The following ABCC5 variants were observed in gnomAD, a reference collection of about 807,000 sequenced individuals.
ABCC5 encodes ATP binding cassette subfamily C member 5, also known as ATP-binding cassette sub-family C member 5.
Under a neutral mutation model 160.9 loss-of-function variants are expected in ABCC5, and 61 were observed. That is an observed-to-expected ratio of 0.38 (90% CI 0.31 to 0.47). ABCC5 has a LOEUF of 0.47. Among genes scored for constraint, ABCC5 ranks in the 20% least tolerant of loss-of-function variants. The pLI is 0.99. For synonymous variants in ABCC5, 666 were observed against 700.6 expected, an observed-to-expected ratio of 0.95 and a Z score of 0.78; for missense variants, 1,308 against 1,813.3, an observed-to-expected ratio of 0.72 and a Z score of 5.06.
intron 25 of ABCC5, among the ~76,000 whole-genome samples, chr3:183,939,005 T>G (rs1714020693): frequency 6.6e-6 from 1 of 152,260 alleles, no homozygotes; most frequent in African/African-American, 2.4e-5. Context: ...TTGAAAAGTT[T>G]ACATAAGTAA....
At chr3:183,967,849 T>A in intron 11 of ABCC5, 83 bp from the exon 12 acceptor site, 1 of 1,133,614 alleles carries the variant, frequency 8.8e-7, no homozygotes, top group Non-Finnish European at 1.3e-6. Flanking sequence ...ACACATTAAC[T>A]GTAGTCTACC....
intron 24 of ABCC5, among the ~76,000 whole-genome samples, chr3:183,944,572 A>G (rs1244035559): frequency 6.6e-6 from 1 of 152,172 alleles, no homozygotes; most frequent in Non-Finnish European, 1.5e-5. Flanking sequence ...AACTCTTAAG[A>G]ATTGAGTTCA....
chr3:183,985,381 A>C, intron 5 of ABCC5: 1 of 1,613,480 alleles, frequency 6.2e-7, no homozygotes. Flanking sequence ...TGAAAATTCT[A>C]AAGAACAGCT....
rs951514965 is a variant in ABCC5, at chr3:183,951,665, G to C, written c.2815-95C>G. ...CCGCAGCACATCCACTCCCAAAGCG[G>C]GGAGGTGTGAGGGGTCAGGAGGGAC... On this transcript the variant is annotated intron_variant, in intron 19 of 29. Transcript: ENST00000334444. This position sits in a 1 kb window ranked among gnomAD's most constrained non-coding sequence, Gnocchi z 4.7. The C allele has an allele frequency of 2.6e-6, 4 of 1,543,818 alleles. No homozygotes were observed. The African/African-American group carries it at 5.5e-5, about 21-fold the overall frequency.
intron 12 of ABCC5, chr3:183,967,491 C>A: frequency 1.8e-6 from 1 of 553,082 alleles, no homozygotes; most frequent in Non-Finnish European, 3.3e-6. Flanking sequence ...AGTCATCCAT[C>A]AGGCGCCCAC....
At chr3:183,938,801 C>T (rs1226697624) in intron 25 of ABCC5, among the ~76,000 whole-genome samples, 1 of 152,144 alleles carries the variant, frequency 6.6e-6, no homozygotes, top group African/African-American at 2.4e-5. Context: ...ACAAGGCCTC[C>T]TGTTGCCACA....
chr3:184,015,339 T>A (rs1169699806), intron 1 of ABCC5, among the ~76,000 whole-genome samples: 1 of 152,144 alleles, frequency 6.6e-6, no homozygotes, highest in Non-Finnish European at 1.5e-5. Flanking sequence ...CTCCAAAATG[T>A]TTCCCCCCTC....
In ABCC5 at chr3:183,961,610, A is replaced by G. The variant is rs374550167; in HGVS notation, c.2280T>C (p.Cys760=). The G allele has an allele frequency of 1.2e-5, 20 of 1,614,104 alleles. No homozygotes were observed. The African/African-American group carries it at 2.5e-4, about 20-fold the overall frequency. The change falls in exon 16 of 30, where the codon TGT becomes TGC. Residue 760 remains cysteine (C), a synonymous_variant. Coordinates refer to ENST00000334444, the MANE Select transcript of ABCC5 (RefSeq NM_005688.4). ...CDEVIFMKEG[C]ITERGTHEEL... The stretch of plus-strand genomic sequence containing the variant: ...CCTCATGGGTGCCTCTTTCCGTAAT[A>G]CAGCCCTCTTTCATGAAGATCACTT...
chr3:183,986,280 G>A (rs939338), intron 5 of ABCC5: 95,752 of 151,980 alleles, frequency 0.63, 31,117 homozygotes, highest in East Asian at 0.85. Flanking sequence ...CAGCTCTAGG[G>A]CAGAATCCCA....
Position 183,949,983 on chromosome 3 carries a change from G to A in ABCC5, c.3087C>T (p.His1029=), listed in dbSNP as rs1715191518. 1 of 1,614,122 alleles carries A rather than the reference G, an allele frequency of 6.2e-7. No individual in the cohort carries two copies. The highest frequency in any genetic ancestry group is 8.5e-7 in the Non-Finnish European group (1 of 1,180,026). The change falls in exon 21 of 30, where the codon CAC becomes CAT. Residue 1029 remains histidine, a synonymous_variant. Coordinates refer to ENST00000334444, the MANE Select transcript of ABCC5 (RefSeq NM_005688.4). The surrounding 1 kb of genome is among the most constrained non-coding windows in gnomAD (Gnocchi z 4.2). ...GPLVILFSVL[H]IVSRVLIREL... Reference sequence around the variant, plus strand: ...CGCTTCCTATTTACCTGGAGACAATGTGCAGGACTGAAAAGAGGATGACAA... The same window carrying A: ...CGCTTCCTATTTACCTGGAGACAATATGCAGGACTGAAAAGAGGATGACAA...
chr3:183,998,640 T>G (rs1023163318), intron 2 of ABCC5, among the ~76,000 whole-genome samples: 2 of 151,852 alleles, frequency 1.3e-5, no homozygotes, highest in Non-Finnish European at 2.9e-5. Flanking sequence ...AGCCTTGAGC[T>G]AAGGGTCTTG....
At chr3:183,956,599 C>T (rs1477190574) in intron 17 of ABCC5, among the ~76,000 whole-genome samples, 4 of 149,322 alleles carry the variant, frequency 2.7e-5, no homozygotes, top group African/African-American at 5.0e-5. Flanking sequence ...CATGCAGATC[C>T]GTGTGTATAT....
At position 183,989,291 on chromosome 3, in the gene ABCC5, C is replaced by T. The variant is rs139333194; in HGVS notation, c.222G>A (p.Glu74=). 3.0e-4 allele frequency: 486 copies of T among 1,614,008 alleles called. 2 individuals are homozygous for T. The East Asian group carries it at 6.8e-3, about 23-fold the overall frequency. Residue 74 remains glutamate (E), a synonymous_variant, in exon 3 of 30, where the codon GAG becomes GAA. Coordinates refer to ENST00000334444, the MANE Select transcript of ABCC5 (RefSeq NM_005688.4). ...SMHSQLRILD[E]EHPKGKYHHG... ...GATGGTACTTTCCCTTGGGATGCTC[C>T]TCATCCAGGATTCTGAGCTGAGAAT...
In ABCC5 at chr3:183,961,538, C is replaced by T. The variant is rs1210962985; in HGVS notation, c.2352G>A (p.Leu784=). 1.2e-6 allele frequency: 2 copies of T among 1,614,222 alleles called. No homozygotes were observed. Among genetic ancestry groups the T allele is most frequent in the Admixed American group, 1.7e-5 (1 of 60,024 alleles). Residue 784 remains leucine, a synonymous_variant, in exon 16 of 30, where the codon CTG becomes CTA. Transcript: ENST00000334444. ...CAACTGGCGGTGTCTCTCCCAGCAACAGGTTATTAAAAATGGTAGCATAGT... is the reference window on the plus strand; with the variant it reads ...CAACTGGCGGTGTCTCTCCCAGCAATAGGTTATTAAAAATGGTAGCATAGT... The part of the protein sequence containing the change: ...NGDYATIFNN[L]LLGETPPVEI...
intron 26 of ABCC5, among the ~76,000 whole-genome samples, chr3:183,934,118 C>T (rs892462035): frequency 4.6e-5 from 7 of 152,100 alleles, no homozygotes; most frequent in African/African-American, 1.7e-4. Flanking sequence ...CCAGCCTGGC[C>T]AACATGGTGA....
In ABCC5 at chr3:183,927,313, A is replaced by G. The variant is rs1367896980; in HGVS notation, c.4047+17T>C. Reference sequence around the variant, plus strand: ...ACATTCCCATTCTCTGCTGCTGCCAACCCCAAACTGCCTTACCTTACAGTG... The same window carrying G: ...ACATTCCCATTCTCTGCTGCTGCCAGCCCCAAACTGCCTTACCTTACAGTG... On this transcript the variant is annotated intron_variant, in intron 28 of 29. Coordinates refer to ENST00000334444, the MANE Select transcript of ABCC5 (RefSeq NM_005688.4). 6.2e-7 allele frequency: 1 copy of G among 1,611,482 alleles called. No homozygotes were observed. The highest frequency in any genetic ancestry group is 1.1e-5 in the South Asian group (1 of 90,586).
chr3:183,969,425 G>C (rs920020250), intron 11 of ABCC5, among the ~76,000 whole-genome samples: 5 of 152,232 alleles, frequency 3.3e-5, no homozygotes, highest in Admixed American at 2.6e-4. Flanking sequence ...AGATGCAGCA[G>C]CTCACGCCTA....
At chr3:183,985,871 A>C (rs1455205429) in intron 5 of ABCC5, 1 of 185,848 alleles carries the variant, frequency 5.4e-6, no homozygotes, top group Non-Finnish European at 1.1e-5. Flanking sequence ...AAACAAACAG[A>C]ACACAACAAC....
intron 8 of ABCC5, among the ~76,000 whole-genome samples, chr3:183,979,163 G>A (rs1225628276): frequency 3.9e-5 from 6 of 152,060 alleles, no homozygotes; most frequent in African/African-American, 7.2e-5. Flanking sequence ...TGGCCAACAC[G>A]GCAAAACCCC....
Sources: allele counts gnomAD v4.1 joint callset (sites outside exome capture counted in the v4.1 genomes callset), GRCh38; gene constraint gnomAD v4.1.1; non-coding constraint Gnocchi (gnomAD v3.1); transcripts MANE v1.5; gene names NCBI Gene and HGNC (gene_info 2026-07-23, HGNC 2026-07-21).